TTBK1: variants seen among roughly 807,000 people sequenced by gnomAD.
TTBK1 encodes the protein tau-tubulin kinase 1.
A neutral mutation model predicts 108.5 loss-of-function variants in TTBK1; 34 were observed. The observed-to-expected ratio is 0.31, with a 90% CI of 0.24 to 0.42. The LOEUF (loss-of-function observed/expected upper bound fraction) is 0.42. TTBK1 is among the 10% of genes least tolerant of loss of function. The pLI, the probability that TTBK1 is intolerant of heterozygous loss-of-function variation, is 1.00. For missense variants in TTBK1, 1,539 were observed against 1,826.0 expected, an observed-to-expected ratio of 0.84 and a Z score of 2.86; for synonymous variants, 809 against 795.1, an observed-to-expected ratio of 1.02 and a Z score of -0.29.
intron 1 of TTBK1, among the ~76,000 whole-genome samples, chr6:43,244,717 A>G (rs529291988): frequency 1.0e-3 from 154 of 152,236 alleles, no homozygotes; most frequent in Admixed American, 5.6e-3. Context: ...AGCAGGACAC[A>G]AATTTTCCTT....
chr6:43,276,292 A>G lies in TTBK1; in HGVS notation c.1987-6435A>G, dbSNP rs942778856. On this transcript the variant is annotated intron_variant, in intron 13 of 14. Coordinates refer to ENST00000259750, the MANE Select transcript of TTBK1 (RefSeq NM_032538.3). The surrounding 1 kb of genome is among the most constrained non-coding windows in gnomAD (Gnocchi z 5.4). ...CACACGCTCACACGCACACACACGC[A>G]CACGAAGATGGGACGCTTTTTTTCT... Among the ~76,000 whole-genome samples the G allele has an allele frequency of 2.0e-5, 3 of 152,174 alleles. No individual in the cohort carries two copies. The highest frequency in any genetic ancestry group is 6.5e-5 in the Admixed American group (1 of 15,290).
chr6:43,270,936 G>A (rs1035457895), intron 13 of TTBK1: 1 of 985,396 alleles, frequency 1.0e-6, no homozygotes, highest in Non-Finnish European at 1.2e-6. Flanking sequence ...TGCTCGGTCA[G>A]CCCCAAGGGC....
At position 43,264,055 on chromosome 6, in the gene TTBK1, A is replaced by G. The variant is rs117994860; in HGVS notation, c.1986+705A>G. ...GTCTCGTGTCTCGGCTGATGCCCTG[A>G]GTGGTTTTGAAGGGAATGAGAATTC... On this transcript the variant is annotated intron_variant, in intron 13 of 14. Transcript: ENST00000259750. 9.2e-5 allele frequency among the ~76,000 whole-genome samples: 14 copies of G among 152,138 alleles called. No individual in the cohort carries two copies. In the East Asian group the frequency reaches 2.7e-3, roughly 29 times the overall value.
chr6:43,259,097 T>G lies in TTBK1; in HGVS notation c.1076T>G (p.Leu359Arg). The change falls in exon 11 of 15, where the codon CTA (leucine) becomes CGA (arginine). Residue 359 changes from leucine to arginine, a missense_variant. Coordinates refer to ENST00000259750, the MANE Select transcript of TTBK1 (RefSeq NM_032538.3). This position sits in a 1 kb window ranked among gnomAD's most constrained non-coding sequence, Gnocchi z 6.7. ...DLLRENTEDV[L>R]QGEHLSDQEN... ...CTCCGGGAGAACACCGAGGATGTGCTACAGGGAGAGCACCTGAGTGACCAG... is the reference window on the plus strand; with the variant it reads ...CTCCGGGAGAACACCGAGGATGTGCGACAGGGAGAGCACCTGAGTGACCAG... The G allele has an allele frequency of 6.2e-7, 1 of 1,614,086 alleles. No individual in the cohort carries two copies. The highest frequency in any genetic ancestry group is 8.5e-7 in the Non-Finnish European group (1 of 1,179,978).
At position 43,276,681 on chromosome 6, in the gene TTBK1, T is replaced by TTTCTTTCACCCTCCCCCTTCC. The variant is rs1310190097; in HGVS notation, c.1987-6043_1987-6023dup. On this transcript the variant is annotated intron_variant, in intron 13 of 14. Transcript: ENST00000259750. The surrounding 1 kb of genome is among the most constrained non-coding windows in gnomAD (Gnocchi z 5.4). Reference sequence around the variant, plus strand: ...TCCAGGAACCTGCGCCTCCGCCTGCTTTCTTTCACCCTCCCCCTTCCTTTC... The same window carrying TTTCTTTCACCCTCCCCCTTCC: ...TCCAGGAACCTGCGCCTCCGCCTGCTTTCTTTCACCCTCCCCCTTCCTTCTTTCACCCTCCCCCTTCCTTTC... 6.6e-6 allele frequency among the ~76,000 whole-genome samples: 1 copy of TTTCTTTCACCCTCCCCCTTCC among 152,264 alleles called. No homozygotes were observed. The highest frequency in any genetic ancestry group is 6.5e-5 in the Admixed American group (1 of 15,286).
At chr6:43,262,491 C>T (rs1777567526) in intron 12 of TTBK1, among the ~76,000 whole-genome samples, 1 of 152,180 alleles carries the variant, frequency 6.6e-6, no homozygotes, top group Admixed American at 6.5e-5. Flanking sequence ...GTTCCTTGCA[C>T]AGAAACCCGA....
At chr6:43,260,823 G>A (rs1350229288) in intron 12 of TTBK1, among the ~76,000 whole-genome samples, 1 of 152,144 alleles carries the variant, frequency 6.6e-6, no homozygotes, top group African/African-American at 2.4e-5. Context: ...GGGTCTGGAT[G>A]GGCTCTGGGG....
Position 43,263,203 on chromosome 6 carries a change from C to A in TTBK1, c.1839C>A (p.Pro613=). Residue 613 remains proline, a synonymous_variant, in exon 13 of 15, where the codon CCC becomes CCA. Coordinates refer to ENST00000259750, the MANE Select transcript of TTBK1 (RefSeq NM_032538.3). This position sits in a 1 kb window ranked among gnomAD's most constrained non-coding sequence, Gnocchi z 4.7. ...LAEEDLQHLP[P]QPLPPQLSQG... is the part of the protein sequence containing the mutation. ...AGGAGGACCTGCAGCATTTGCCGCC[C>A]CAGCCCCTGCCACCCCAGCTGAGCC... 1.3e-6 allele frequency: 2 copies of A among 1,579,610 alleles called. No homozygotes were observed. Among genetic ancestry groups the A allele is most frequent in the Non-Finnish European group, 1.7e-6 (2 of 1,162,608 alleles).
intron 13 of TTBK1, among the ~76,000 whole-genome samples, chr6:43,280,537 A>G (rs1417635647): frequency 2.6e-5 from 4 of 152,170 alleles, no homozygotes; most frequent in Non-Finnish European, 5.9e-5. Context: ...GACCATCTCT[A>G]TCTTGTTCAT....
At chr6:43,275,246 G>C (rs1269318334) in intron 13 of TTBK1, among the ~76,000 whole-genome samples, 2 of 151,974 alleles carry the variant, frequency 1.3e-5, no homozygotes, top group Admixed American at 6.6e-5. Context: ...ACGAATGTAC[G>C]GCCCGCCCCA....
rs1478337817 is a variant in TTBK1 at position 43,283,044 on chromosome 6, G to A, written c.2304G>A (p.Glu768=). ...EEEEEEEEEE[E]EEEAAAAVAL... is the part of the protein sequence containing the mutation. ...AGGAAGAAGAGGAGGAGGAGGAAGAGGAGGAGGAGGCTGCAGCGGCAGTTG... is the reference window on the plus strand; with the variant it reads ...AGGAAGAAGAGGAGGAGGAGGAAGAAGAGGAGGAGGCTGCAGCGGCAGTTG... The change falls in exon 14 of 15, where the codon GAG becomes GAA. Residue 768 remains glutamate (E), a synonymous_variant. Coordinates refer to ENST00000259750, the MANE Select transcript of TTBK1 (RefSeq NM_032538.3). This position sits in a 1 kb window ranked among gnomAD's most constrained non-coding sequence, Gnocchi z 8.1. 4.4e-6 allele frequency: 7 copies of A among 1,589,864 alleles called. No homozygotes were observed. Among genetic ancestry groups the A allele is most frequent in the Middle Eastern group, 1.7e-4 (1 of 5,716 alleles).
rs1292281245 is a variant in TTBK1 at position 43,262,685 on chromosome 6, C to CGGTCAG, written c.1425-102_1425-97dup. On this transcript the variant is annotated intron_variant, in intron 12 of 14. Coordinates refer to ENST00000259750, the MANE Select transcript of TTBK1 (RefSeq NM_032538.3). ...CTGGCTCAGGGTGGGAGGGGTACTGCGGTCAGGAGGTTTTGGGAGTCACGC... is the reference window on the plus strand; with the variant it reads ...CTGGCTCAGGGTGGGAGGGGTACTGCGGTCAGGGTCAGGAGGTTTTGGGAGTCACGC... 8 of 1,168,064 alleles carry CGGTCAG rather than the reference C, an allele frequency of 6.8e-6. No homozygotes were observed. In the African/African-American group the frequency reaches 1.1e-4, roughly 16 times the overall value. The allele number at this position is 1,168,064 out of a possible 1,614,324, so 72.4% of individuals were successfully genotyped here. A position where few individuals can be genotyped will look rare whatever the true frequency, so the allele number is the denominator to read the frequency against.
intron 13 of TTBK1, among the ~76,000 whole-genome samples, chr6:43,279,459 G>A (rs1778091383): frequency 6.6e-6 from 1 of 152,162 alleles, no homozygotes; most frequent in Admixed American, 6.5e-5. Flanking sequence ...AGGTGGTTGG[G>A]AGAGAGACAT....
intron 13 of TTBK1, chr6:43,271,378 A>G (rs1777830486): frequency 5.1e-6 from 5 of 985,310 alleles, no homozygotes; most frequent in Admixed American, 6.1e-5. Flanking sequence ...TGCCATTTAC[A>G]TAGACCTCAA....
intron 13 of TTBK1, among the ~76,000 whole-genome samples, chr6:43,279,799 G>A (rs1778102851): frequency 6.6e-6 from 1 of 152,112 alleles, no homozygotes; most frequent in South Asian, 2.1e-4. Flanking sequence ...TTGAGACAGT[G>A]TCGTTCTGTT....
chr6:43,259,287 G>A lies in TTBK1; in HGVS notation c.1248+18G>A, dbSNP rs772670135. ...TCGGCAAAGTAACTGCCGCCAGGGC[G>A]AAGGGCGTGGGTGGCCTTTTCTCTC... On this transcript the variant is annotated intron_variant, in intron 11 of 14. Transcript: ENST00000259750. This position sits in a 1 kb window ranked among gnomAD's most constrained non-coding sequence, Gnocchi z 6.7. The A allele has an allele frequency of 1.2e-5, 19 of 1,536,516 alleles. No individual in the cohort carries two copies. The highest frequency in any genetic ancestry group is 1.8e-4 in the Middle Eastern group (1 of 5,672).
chr6:43,266,673 A>G (rs567271393), intron 13 of TTBK1, among the ~76,000 whole-genome samples: 1 of 151,562 alleles, frequency 6.6e-6, no homozygotes, highest in South Asian at 2.1e-4. Flanking sequence ...CTGGAGTGCA[A>G]TGGCGTGATC....
Position 43,283,910 on chromosome 6 carries a change from C to A in TTBK1, c.3170C>A (p.Pro1057His). The A allele has an allele frequency of 1.2e-6, 2 of 1,612,990 alleles. No homozygotes were observed. The highest frequency in any genetic ancestry group is 1.7e-6 in the Non-Finnish European group (2 of 1,179,348). The change falls in exon 14 of 15, where the codon CCT becomes CAT. Residue 1057 changes from proline (P) to histidine (H), a missense_variant. By Grantham distance (77) the Pro-to-His change is moderately conservative. This residue lies in a region of TTBK1 where 1,055 missense variants were observed against 1,086.5 expected (regional missense o/e 0.97). Transcript: ENST00000259750. The surrounding 1 kb of genome is among the most constrained non-coding windows in gnomAD (Gnocchi z 8.1). Reference sequence around the variant, plus strand: ...GGCTCTCGCCCCAGGAGCCGTATCCCTGTCCTGCTCTCTGAGGAGGACACG... The same window carrying A: ...GGCTCTCGCCCCAGGAGCCGTATCCATGTCCTGCTCTCTGAGGAGGACACG... ...MPGSRPRSRI[P>H]VLLSEEDTGS...
rs1056786595 is a variant in TTBK1, at chr6:43,253,787, C to G, written c.471+79C>G. On this transcript the variant is annotated intron_variant, in intron 5 of 14. Coordinates refer to ENST00000259750, the MANE Select transcript of TTBK1 (RefSeq NM_032538.3). This position sits in a 1 kb window ranked among gnomAD's most constrained non-coding sequence, Gnocchi z 5.8. The stretch of plus-strand genomic sequence containing the variant: ...ATTCTTTCCCTGGGTCTCCTGGTTT[C>G]TCCTCTGCAACCATGGTTGGGACTT... 2.7e-6 allele frequency: 4 copies of G among 1,508,938 alleles called. No individual in the cohort carries two copies. Among genetic ancestry groups the G allele is most frequent in the Non-Finnish European group, 3.6e-6 (4 of 1,126,048 alleles). 93.5% of individuals were successfully genotyped at this position (1,508,938 alleles called of 1,614,324 possible).
Sources: gnomAD v4.1 joint callset for allele counts (sites outside exome capture counted in the v4.1 genomes callset) on GRCh38, gnomAD v4.1.1 for gene constraint, gnomAD v4.1.1 regional missense constraint, Gnocchi (gnomAD v3.1) non-coding constraint, MANE v1.5 for transcripts, NCBI Gene and HGNC (gene_info 2026-07-23, HGNC 2026-07-21) for gene names.